Variants in ABHD3 observed in about 807,000 individuals in gnomAD.
ABHD3 encodes abhydrolase domain containing 3, phospholipase, also known as phospholipase ABHD3.
In ABHD3, 46 loss-of-function variants were observed where a neutral mutation model predicts 48.8. That is an observed-to-expected ratio of 0.94 (90% confidence interval 0.74 to 1.20). The LOEUF (loss-of-function observed/expected upper bound fraction) is 1.20. Among genes scored for constraint, ABHD3 ranks in the 50% most tolerant of loss-of-function variants. The pLI, the probability that ABHD3 is intolerant of heterozygous loss-of-function variation, is 0.00. For synonymous variants in ABHD3, 192 were observed against 183.7 expected (o/e 1.04, Z -0.36); for missense variants, 490 against 497.8 (o/e 0.98, Z 0.15).
chr18:21,676,051 G>A (rs928453818), intron 4 of ABHD3, among the ~76,000 whole-genome samples: 10 of 152,150 alleles, frequency 6.6e-5, no homozygotes, highest in Non-Finnish European at 1.0e-4. Flanking sequence ...TAGGGACCCT[G>A]CCTTCATGAT....
intron 3 of ABHD3, among the ~76,000 whole-genome samples, chr18:21,684,447 T>C (rs2040083821): frequency 6.6e-6 from 1 of 150,776 alleles, no homozygotes; most frequent in Admixed American, 6.7e-5. Flanking sequence ...GCCTCCTTAG[T>C]AGCTGGGATT....
intron 3 of ABHD3, among the ~76,000 whole-genome samples, chr18:21,697,376 T>G (rs1373875883): frequency 6.6e-6 from 1 of 151,022 alleles, no homozygotes; most frequent in African/African-American, 2.4e-5. Flanking sequence ...CCCAGCCTAT[T>G]TATCCTTTTT....
intron 2 of ABHD3, 152 bp downstream of exon 2, chr18:21,703,432 G>T: frequency 1.1e-6 from 1 of 929,222 alleles, no homozygotes; most frequent in Non-Finnish European, 1.5e-6. Context: ...GCTGGGGGTG[G>T]AGCCGGGGAC....
chr18:21,657,140 C>T lies in ABHD3; in HGVS notation c.855G>A (p.Met285Ile). Residue 285 changes from methionine to isoleucine, a missense_variant, in exon 7 of 9, where the codon ATG (methionine) becomes ATA (isoleucine). Coordinates refer to ENST00000289119, the MANE Select transcript of ABHD3 (RefSeq NM_138340.5). ...GATCCATATCAACTTGTTTTACAAA[C>T]ATATGTCGGTGCCTGGAACAAAAGA... The part of the protein sequence containing the change: ...LQSSVNKHRH[M>I]FVKQVDMDHV... 4.4e-6 allele frequency: 7 copies of T among 1,609,014 alleles called. No homozygotes were observed. Among genetic ancestry groups the T allele is most frequent in the Non-Finnish European group, 5.9e-6 (7 of 1,177,384 alleles).
chr18:21,677,782 C>T (rs1407222212), intron 4 of ABHD3, among the ~76,000 whole-genome samples: 1 of 151,972 alleles, frequency 6.6e-6, no homozygotes, highest in Non-Finnish European at 1.5e-5. Flanking sequence ...CTCCCGGGTT[C>T]AAGCGATTCC....
intron 3 of ABHD3, among the ~76,000 whole-genome samples, chr18:21,698,663 G>A (rs1050619766): frequency 2.0e-5 from 3 of 151,764 alleles, no homozygotes; most frequent in Admixed American, 2.0e-4. Context: ...TGCAACCTCT[G>A]CCTCCCAGGT....
intron 2 of ABHD3, among the ~76,000 whole-genome samples, chr18:21,702,863 C>T (rs1278093229): frequency 6.6e-6 from 1 of 152,200 alleles, no homozygotes; most frequent in East Asian, 1.9e-4. Context: ...CTGATCTAAT[C>T]TCTGACCACT....
At chr18:21,679,449 C>A (rs570284202) in intron 4 of ABHD3, among the ~76,000 whole-genome samples, 1 of 152,334 alleles carries the variant, frequency 6.6e-6, no homozygotes, top group East Asian at 1.9e-4. Flanking sequence ...TAAATGTATA[C>A]TTCTTATACC....
chr18:21,700,317 C>T lies in ABHD3; in HGVS notation c.509+1999G>A, dbSNP rs2040478669. Among the ~76,000 whole-genome samples the T allele has an allele frequency of 2.6e-5, 4 of 152,210 alleles. No individual in the cohort carries two copies. The South Asian group carries it at 8.3e-4, about 32-fold the overall frequency. On this transcript the variant is annotated intron_variant, in intron 3 of 8. Transcript: ENST00000289119. ...ATGTTGGTCAGGCTGGTCTCGAACT[C>T]CTGACCTTGTGATCTGTCCGCCTTG...
chr18:21,653,077 A>AAAAAAAG (rs772523934), intron 8 of ABHD3, among the ~76,000 whole-genome samples: 1,083 of 76,144 alleles, frequency 0.014, 327 homozygotes, highest in African/African-American at 0.047. Flanking sequence ...AAAAAAAAAA[A>AAAAAAAG]AAAGAGCTGG....
chr18:21,696,731 G>T (rs2146334521), intron 3 of ABHD3, among the ~76,000 whole-genome samples: 1 of 149,716 alleles, frequency 6.7e-6, no homozygotes, highest in Middle Eastern at 3.4e-3. Context: ...TTATTATTTA[G>T]TTTTGGTTTT....
At chr18:21,665,095 C>T (rs762651007) in intron 4 of ABHD3, among the ~76,000 whole-genome samples, 4 of 152,058 alleles carry the variant, frequency 2.6e-5, no homozygotes, top group Non-Finnish European at 4.4e-5. Flanking sequence ...CAGACACCCA[C>T]CACCATGCCC....
At chr18:21,692,993 C>A (rs187090314) in intron 3 of ABHD3, among the ~76,000 whole-genome samples, 1 of 152,212 alleles carries the variant, frequency 6.6e-6, no homozygotes, top group East Asian at 1.9e-4. Context: ...TCGATTCCAG[C>A]GGCCACTCTA....
At chr18:21,680,159 A>T (rs2039974290) in intron 4 of ABHD3, among the ~76,000 whole-genome samples, 1 of 151,996 alleles carries the variant, frequency 6.6e-6, no homozygotes, top group East Asian at 1.9e-4. Context: ...GACTAAAGGT[A>T]TGTGTCACTA....
At chr18:21,678,168 T>A (rs1216030337) in intron 4 of ABHD3, among the ~76,000 whole-genome samples, 1 of 150,732 alleles carries the variant, frequency 6.6e-6, no homozygotes, top group Admixed American at 6.6e-5. Flanking sequence ...TTGCCTAGAC[T>A]GGTCCTGAAC....
intron 5 of ABHD3, 33 bp from the exon 6 acceptor site, chr18:21,659,376 T>C (rs747321233): frequency 6.3e-7 from 1 of 1,580,744 alleles, no homozygotes; most frequent in South Asian, 1.2e-5. Context: ...ACTCAGTGAT[T>C]AATTTGTTGT....
At chr18:21,667,885 C>G (rs1233773104) in intron 4 of ABHD3, among the ~76,000 whole-genome samples, 1 of 151,878 alleles carries the variant, frequency 6.6e-6, no homozygotes, top group Non-Finnish European at 1.5e-5. Context: ...GGCACAAATT[C>G]AACGTAAAAT....
At chr18:21,666,239 G>A (rs142514603) in intron 4 of ABHD3, among the ~76,000 whole-genome samples, 1 of 152,140 alleles carries the variant, frequency 6.6e-6, no homozygotes, top group East Asian at 1.9e-4. Flanking sequence ...CTGTTGCCAG[G>A]ATGGAGTGCT....
At chr18:21,682,972 G>T (rs924293464) in intron 4 of ABHD3, 1 of 152,236 alleles carries the variant, frequency 6.6e-6, no homozygotes, top group Admixed American at 6.5e-5. Flanking sequence ...TTTCGAAATC[G>T]TGTTGATCTT....
Sources: gnomAD v4.1 joint callset for allele counts (sites outside exome capture counted in the v4.1 genomes callset) on GRCh38, gnomAD v4.1.1 for gene constraint, MANE v1.5 for transcripts, NCBI Gene and HGNC (gene_info 2026-07-23, HGNC 2026-07-21) for gene names.